The following DTD1 variants were observed in gnomAD, a reference collection of about 807,000 sequenced individuals.
DTD1 encodes D-aminoacyl-tRNA deacylase 1, also known as D-tyrosyl-tRNA deacylase 1 homolog.
Under a neutral mutation model 25.6 loss-of-function variants are expected in DTD1, and 13 were observed. The observed-to-expected ratio is 0.51, with a 90% CI of 0.33 to 0.81. DTD1 has a LOEUF of 0.81. Ranked by LOEUF, DTD1 falls within the 30% of genes least tolerant of loss-of-function variation. The pLI is 0.02. For missense variants in DTD1, 193 were observed against 266.4 expected, an observed-to-expected ratio of 0.72 and a Z score of 1.92; for synonymous variants, 110 against 103.6, an observed-to-expected ratio of 1.06 and a Z score of -0.37.
At chr20:18,685,887 C>T (rs2061014757) in intron 4 of DTD1, among the ~76,000 whole-genome samples, 1 of 152,138 alleles carries the variant, frequency 6.6e-6, no homozygotes, top group African/African-American at 2.4e-5. Context: ...CAGTGTACAC[C>T]AAGTCATGGT....
intron 4 of DTD1, among the ~76,000 whole-genome samples, chr20:18,683,058 C>G (rs1204634856): frequency 1.3e-5 from 2 of 152,168 alleles, no homozygotes; most frequent in Non-Finnish European, 2.9e-5. Context: ...CAGAGTTTTC[C>G]TATTAGTCGG....
intron 5 of DTD1, 145 bp downstream of exon 5, chr20:18,744,416 A>G: frequency 1.2e-6 from 1 of 864,670 alleles, no homozygotes; most frequent in Non-Finnish European, 1.7e-6. Flanking sequence ...CAGGATGGAG[A>G]CAAAAGTTAG....
intron 4 of DTD1, among the ~76,000 whole-genome samples, chr20:18,734,502 C>T (rs891625363): frequency 6.6e-6 from 1 of 152,114 alleles, no homozygotes; most frequent in Non-Finnish European, 1.5e-5. Context: ...GCTACTGTGC[C>T]CTTTTTGGGC....
chr20:18,698,019 GT>G (rs2061086168), intron 4 of DTD1, among the ~76,000 whole-genome samples: 1 of 152,232 alleles, frequency 6.6e-6, no homozygotes. Flanking sequence ...TAGTATGCAA[GT>G]GATCATCTTT....
At chr20:18,623,113 G>A (rs1030047330) in intron 3 of DTD1, among the ~76,000 whole-genome samples, 4 of 151,744 alleles carry the variant, frequency 2.6e-5, no homozygotes, top group African/African-American at 7.3e-5. Context: ...CTAATTTTTT[G>A]TATTTTTAGT....
intron 4 of DTD1, chr20:18,643,402 C>T (rs2060837860): frequency 4.4e-6 from 1 of 226,908 alleles, no homozygotes; most frequent in Non-Finnish European, 9.4e-6. Context: ...TCTGATCTTT[C>T]CTGGAATCTG....
At chr20:18,632,862 CCATGTG>C (rs996863781) in intron 4 of DTD1, among the ~76,000 whole-genome samples, 5 of 151,650 alleles carry the variant, frequency 3.3e-5, no homozygotes, top group Non-Finnish European at 7.4e-5. Context: ...ATGTGTGTGC[CCATGTG>C]CATGTGCATG....
chr20:18,704,247 A>G (rs2061117033), intron 4 of DTD1, among the ~76,000 whole-genome samples: 3 of 151,962 alleles, frequency 2.0e-5, no homozygotes, highest in African/African-American at 7.3e-5. Context: ...TGATCCTCCC[A>G]CCTCGGCCTC....
intron 3 of DTD1, among the ~76,000 whole-genome samples, chr20:18,623,994 G>T (rs573823066): frequency 1.3e-5 from 2 of 152,176 alleles, no homozygotes; most frequent in African/African-American, 4.8e-5. Context: ...AACTGATGGA[G>T]GGTGGTTCTG....
chr20:18,719,950 A>T (rs1313082629), intron 4 of DTD1, among the ~76,000 whole-genome samples: 1 of 152,264 alleles, frequency 6.6e-6, no homozygotes, highest in East Asian at 1.9e-4. Flanking sequence ...CTCAGTTAAA[A>T]GCCTGAGGCA....
intron 4 of DTD1, among the ~76,000 whole-genome samples, chr20:18,718,674 A>G (rs1487854247): frequency 1.3e-5 from 2 of 152,220 alleles, no homozygotes. Flanking sequence ...GTATGGTTCT[A>G]TCTAATATAA....
At position 18,596,616 on chromosome 20, in the gene DTD1, TAAAA is replaced by T. The variant is rs1329597123; in HGVS notation, c.370+377_370+380del. ...GTTCTTGTAGCCATATTTAAAAAAA[TAAAA>T]AGAAATAGGTGAAATTAATTTAAAA... is the stretch of plus-strand genomic sequence containing the variant. On this transcript the variant is annotated intron_variant, in intron 3 of 5. Coordinates refer to ENST00000377452, the MANE Select transcript of DTD1 (RefSeq NM_080820.6). 3.3e-5 allele frequency among the ~76,000 whole-genome samples: 5 copies of T among 152,198 alleles called. No homozygotes were observed. In the Middle Eastern group the frequency reaches 0.01, roughly 311 times the overall value.
chr20:18,721,987 G>A (rs1329507354), intron 4 of DTD1, among the ~76,000 whole-genome samples: 1 of 152,172 alleles, frequency 6.6e-6, no homozygotes, highest in Non-Finnish European at 1.5e-5. Context: ...CAACCCCAGG[G>A]CTCCATGAGG....
intron 4 of DTD1, among the ~76,000 whole-genome samples, chr20:18,706,971 C>T (rs1336065269): frequency 6.6e-6 from 1 of 152,170 alleles, no homozygotes; most frequent in Non-Finnish European, 1.5e-5. Flanking sequence ...CCCCTGGAGA[C>T]CCCGTGTGCT....
intron 4 of DTD1, among the ~76,000 whole-genome samples, chr20:18,657,351 T>C (rs1409025557): frequency 6.6e-6 from 1 of 152,214 alleles, no homozygotes; most frequent in Non-Finnish European, 1.5e-5. Flanking sequence ...GGGGAAAGGA[T>C]AATAGCCCTT....
At chr20:18,618,904 G>A (rs1294751561) in intron 3 of DTD1, among the ~76,000 whole-genome samples, 3 of 151,978 alleles carry the variant, frequency 2.0e-5, no homozygotes, top group Admixed American at 2.0e-4. Flanking sequence ...GTAGAGATGG[G>A]GTTTCACCAT....
At chr20:18,592,535 A>G (rs1241734248) in intron 1 of DTD1, 1 of 152,104 alleles carries the variant, frequency 6.6e-6, no homozygotes, top group African/African-American at 2.4e-5. Flanking sequence ...AGCAGGTCAG[A>G]ACTCCTGTGC....
At chr20:18,673,664 T>G (rs886164003) in intron 4 of DTD1, among the ~76,000 whole-genome samples, 1 of 152,194 alleles carries the variant, frequency 6.6e-6, no homozygotes, top group Admixed American at 6.5e-5. Flanking sequence ...GGGAAAATGG[T>G]ATTTCTAGTT....
chr20:18,720,522 T>C (rs571726090), intron 4 of DTD1, among the ~76,000 whole-genome samples: 1 of 152,336 alleles, frequency 6.6e-6, no homozygotes, highest in Non-Finnish European at 1.5e-5. Context: ...GTAGTGTTTT[T>C]ATCAGCAGAT....
Sources: gnomAD v4.1 joint callset for allele counts (sites outside exome capture counted in the v4.1 genomes callset) on GRCh38, gnomAD v4.1.1 for gene constraint, MANE v1.5 for transcripts, NCBI Gene and HGNC (gene_info 2026-07-23, HGNC 2026-07-21) for gene names.